The following ZDHHC17 variants were observed in gnomAD, a reference collection of about 807,000 sequenced individuals.
The protein encoded by ZDHHC17 is zDHHC palmitoyltransferase 17.
In ZDHHC17, 40 loss-of-function variants were observed where a neutral mutation model predicts 90.3. That is an observed-to-expected ratio of 0.44 (90% CI 0.34 to 0.58). ZDHHC17 has a LOEUF of 0.58. Among genes scored for constraint, ZDHHC17 ranks in the 20% least tolerant of loss-of-function variants. The probability of loss-of-function intolerance (pLI) is 0.01; values close to 1 mark genes in which losing one functional copy is unlikely to be tolerated. For missense variants in ZDHHC17, 614 were observed against 780.8 expected (o/e 0.79, Z 2.55); for synonymous variants, 235 against 252.4 (o/e 0.93, Z 0.65).
At chr12:76,802,897 A>G (rs1244631182) in intron 2 of ZDHHC17, among the ~76,000 whole-genome samples, 1 of 152,198 alleles carries the variant, frequency 6.6e-6, no homozygotes, top group East Asian at 1.9e-4. Context: ...TCATGCTTCA[A>G]GTATGACCCA....
chr12:76,778,314 C>T (rs1231397451), intron 1 of ZDHHC17, among the ~76,000 whole-genome samples: 1 of 152,244 alleles, frequency 6.6e-6, no homozygotes, highest in Non-Finnish European at 1.5e-5. Flanking sequence ...TGGGTTCAAG[C>T]GATTCTTCTA....
At chr12:76,815,116 G>C (rs375994189) in intron 5 of ZDHHC17, 30 bp from the exon 6 acceptor site, 229 of 1,505,326 alleles carry the variant, frequency 1.5e-4, no homozygotes, top group Non-Finnish European at 2.0e-4. Flanking sequence ...TAATTTAACT[G>C]TCTGACTTTT....
intron 2 of ZDHHC17, among the ~76,000 whole-genome samples, chr12:76,801,511 G>A (rs1294860479): frequency 4.6e-5 from 7 of 151,728 alleles, no homozygotes; most frequent in Admixed American, 2.6e-4. Context: ...AAAATTAGCC[G>A]GGCATGGTGG....
chr12:76,848,120 C>A, intron 14 of ZDHHC17, 113 bp from the exon 15 acceptor site: 1 of 1,015,546 alleles, frequency 9.8e-7, no homozygotes, highest in Non-Finnish European at 1.4e-6. Context: ...TGAATGTCAT[C>A]AGTTAAATCT....
At chr12:76,799,966 G>A (rs1952867249) in intron 2 of ZDHHC17, among the ~76,000 whole-genome samples, 1 of 152,146 alleles carries the variant, frequency 6.6e-6, no homozygotes, top group African/African-American at 2.4e-5. Flanking sequence ...ATAGCCCGAA[G>A]GTACTTTTAT....
Position 76,846,687 on chromosome 12 carries a change from C to A in ZDHHC17, c.1507+8C>A. ...TTTATGGTTGTATATCTTGTGAGTA[C>A]AATTAGTTTTCGGTCTTTTTAAAAC... is the stretch of plus-strand genomic sequence containing the variant. On this transcript the variant is annotated splice_region_variant and intron_variant, in intron 14 of 16. Transcript: ENST00000426126. 1 of 1,598,128 alleles carries A rather than the reference C, an allele frequency of 6.3e-7. No homozygotes were observed. The highest frequency in any genetic ancestry group is 8.5e-7 in the Non-Finnish European group (1 of 1,169,980).
intron 5 of ZDHHC17, among the ~76,000 whole-genome samples, chr12:76,814,501 A>G (rs946295536): frequency 2.0e-5 from 3 of 151,966 alleles, no homozygotes; most frequent in African/African-American, 7.2e-5. Context: ...AGAAAAATTC[A>G]GATTTTTTGT....
chr12:76,801,744 T>C (rs745860256), intron 2 of ZDHHC17, among the ~76,000 whole-genome samples: 3 of 152,358 alleles, frequency 2.0e-5, no homozygotes, highest in Admixed American at 2.0e-4. Flanking sequence ...CTTAATAAAC[T>C]GTGCTCCTTT....
intron 4 of ZDHHC17, 47 bp from the exon 5 acceptor site, chr12:76,809,666 T>A (rs1463229837): frequency 7.4e-7 from 1 of 1,349,508 alleles, no homozygotes. Flanking sequence ...GAGGATCCTG[T>A]TTGAAATAAC....
chr12:76,830,840 T>C (rs1953291272), intron 10 of ZDHHC17, among the ~76,000 whole-genome samples: 1 of 151,264 alleles, frequency 6.6e-6, no homozygotes. Flanking sequence ...GAAAAATTAA[T>C]GCTAGAGAGC....
chr12:76,827,202 A>G (rs1280758030), intron 9 of ZDHHC17, among the ~76,000 whole-genome samples, 152 bp downstream of exon 9: 1 of 152,174 alleles, frequency 6.6e-6, no homozygotes, highest in African/African-American at 2.4e-5. Context: ...GATTTTTTAA[A>G]CATTGTTATG....
chr12:76,815,764 C>T, intron 6 of ZDHHC17, 93 bp from the exon 7 acceptor site: 1 of 1,313,080 alleles, frequency 7.6e-7, no homozygotes. Context: ...TGGAATGCTA[C>T]TGTAAGCATA....
At chr12:76,829,612 C>T (rs1953275373) in intron 10 of ZDHHC17, among the ~76,000 whole-genome samples, 1 of 151,854 alleles carries the variant, frequency 6.6e-6, no homozygotes, top group Non-Finnish European at 1.5e-5. Flanking sequence ...TTAAGCCTTT[C>T]TACCAAATGG....
At chr12:76,843,006 C>T in intron 12 of ZDHHC17, 25 bp downstream of exon 12, 1 of 1,589,048 alleles carries the variant, frequency 6.3e-7, no homozygotes, top group Non-Finnish European at 8.6e-7. Flanking sequence ...TTTGTTCTTC[C>T]CTCCCTTCTC....
At chr12:76,770,659 C>A (rs914640282) in intron 1 of ZDHHC17, among the ~76,000 whole-genome samples, 13 of 152,142 alleles carry the variant, frequency 8.5e-5, no homozygotes, top group Non-Finnish European at 4.4e-5. Context: ...GTGTGCTGGC[C>A]GGGCTTGGTG....
chr12:76,813,443 A>T (rs1393054853), intron 5 of ZDHHC17: 1 of 390,726 alleles, frequency 2.6e-6, no homozygotes, highest in Non-Finnish European at 5.1e-6. Flanking sequence ...CTATGACAGT[A>T]TGCATGGTGA....
intron 1 of ZDHHC17, among the ~76,000 whole-genome samples, chr12:76,782,626 C>T (rs1952640071): frequency 6.6e-6 from 1 of 152,030 alleles, no homozygotes. Flanking sequence ...AGGAGCTGAG[C>T]AAGAGTTTTA....
intron 1 of ZDHHC17, among the ~76,000 whole-genome samples, chr12:76,788,725 T>G (rs1952724317): frequency 6.8e-6 from 1 of 146,552 alleles, no homozygotes; most frequent in African/African-American, 2.5e-5. Flanking sequence ...GAGCAGAGTT[T>G]CGCTCTTGTT....
At chr12:76,831,672 TCTCA>T (rs1953303034) in intron 10 of ZDHHC17, among the ~76,000 whole-genome samples, 1 of 151,928 alleles carries the variant, frequency 6.6e-6, no homozygotes, top group African/African-American at 2.4e-5. Flanking sequence ...TGAGACATCG[TCTCA>T]CTGTGTCACA....
Sources: allele counts gnomAD v4.1 joint callset (sites outside exome capture counted in the v4.1 genomes callset), GRCh38; gene constraint gnomAD v4.1.1; transcripts MANE v1.5; gene names NCBI Gene and HGNC (gene_info 2026-07-23, HGNC 2026-07-21).